Variants in RORB observed in about 807,000 individuals in gnomAD.
The protein encoded by RORB is RAR related orphan receptor B.
RORB carries 6 observed loss-of-function variants against 59.1 expected under a neutral mutation model. The ratio of observed to expected loss-of-function variants is 0.10; its 90% CI spans 0.06 to 0.20. The LOEUF (loss-of-function observed/expected upper bound fraction) is 0.20. RORB is among the 10% of genes least tolerant of loss of function. The pLI is 1.00. For synonymous variants in RORB, 215 were observed against 204.5 expected (o/e 1.05, Z -0.44); for missense variants, 320 against 560.5 (o/e 0.57, Z 4.33).
chr9:74,593,351 A>T (rs1357651528), intron 1 of RORB, among the ~76,000 whole-genome samples: 1 of 151,726 alleles, frequency 6.6e-6, no homozygotes, highest in African/African-American at 2.4e-5. Context: ...CTATAATCCC[A>T]GCTACTTGGG....
chr9:74,642,345 G>A (rs41287415), intron 3 of RORB, 69 bp from the exon 4 acceptor site: 21,832 of 1,475,304 alleles, frequency 0.015, 528 homozygotes, highest in Admixed American at 0.12. Context: ...CCCATGACCC[G>A]TTGTACCTGA....
At chr9:74,665,236 C>T (rs1018343294) in intron 6 of RORB, among the ~76,000 whole-genome samples, 1 of 152,044 alleles carries the variant, frequency 6.6e-6, no homozygotes, top group Non-Finnish European at 1.5e-5. Flanking sequence ...TAAATTGGTG[C>T]AAATATATTA....
intron 7 of RORB, among the ~76,000 whole-genome samples, chr9:74,667,193 G>A (rs1052252598): frequency 2.0e-5 from 3 of 152,198 alleles, no homozygotes; most frequent in Non-Finnish European, 4.4e-5. Flanking sequence ...CAACAGCTAA[G>A]CAACTGACCT....
At chr9:74,505,722 G>C (rs927191811) in intron 1 of RORB, among the ~76,000 whole-genome samples, 1 of 152,046 alleles carries the variant, frequency 6.6e-6, no homozygotes, top group East Asian at 1.9e-4. Flanking sequence ...TTAAATTACT[G>C]TTAGTTGTAC....
intron 1 of RORB, among the ~76,000 whole-genome samples, chr9:74,585,895 C>T (rs987685495): frequency 6.6e-6 from 1 of 151,826 alleles, no homozygotes; most frequent in African/African-American, 2.4e-5. Flanking sequence ...CCCGGGTTCA[C>T]GCCATTCTCC....
intron 2 of RORB, among the ~76,000 whole-genome samples, chr9:74,633,232 T>C (rs941530140): frequency 2.6e-5 from 4 of 152,198 alleles, no homozygotes; most frequent in African/African-American, 9.6e-5. Context: ...TATTTTCTAA[T>C]TACAAAAATT....
At chr9:74,667,736 C>G (rs1371727720) in intron 7 of RORB, 55 bp from the exon 8 acceptor site, 2 of 1,062,742 alleles carry the variant, frequency 1.9e-6, no homozygotes, top group Non-Finnish European at 2.9e-6. Flanking sequence ...TTTTCTTACT[C>G]TTGCCCCATT....
At chr9:74,649,486 T>C (rs1328812893) in intron 4 of RORB, among the ~76,000 whole-genome samples, 1 of 152,218 alleles carries the variant, frequency 6.6e-6, no homozygotes, top group Non-Finnish European at 1.5e-5. Flanking sequence ...ATCTATAGTA[T>C]TAACCAGTCT....
At chr9:74,599,592 G>C (rs757787379) in intron 1 of RORB, among the ~76,000 whole-genome samples, 1 of 152,114 alleles carries the variant, frequency 6.6e-6, no homozygotes, top group African/African-American at 2.4e-5. Context: ...CTTTTAAAAG[G>C]CTTTGTGAAT....
rs955664507 is a variant in RORB, at chr9:74,685,331, C to G, written c.1225-132C>G. On this transcript the variant is annotated intron_variant, in intron 9 of 9. Coordinates refer to ENST00000376896, the MANE Select transcript of RORB (RefSeq NM_006914.4). ...TTGTAAGAGAAAAGCTGAAAGTGCGCCTTCTTTCTTTCTGAACATCTTTTT... is the reference window on the plus strand; with the variant it reads ...TTGTAAGAGAAAAGCTGAAAGTGCGGCTTCTTTCTTTCTGAACATCTTTTT... 8.4e-6 allele frequency: 6 copies of G among 716,780 alleles called. No homozygotes were observed. In the Admixed American group the frequency reaches 1.6e-4, roughly 20 times the overall value. 44.4% of individuals were successfully genotyped at this position (716,780 alleles called of 1,614,324 possible). A position where few individuals can be genotyped will look rare whatever the true frequency, so the allele number is the denominator to read the frequency against.
chr9:74,666,562 T>G (rs1308821523), intron 7 of RORB, among the ~76,000 whole-genome samples: 7 of 152,138 alleles, frequency 4.6e-5, no homozygotes, highest in Non-Finnish European at 1.0e-4. Context: ...TCAGCTTTTT[T>G]TTTTCAACTT....
At chr9:74,563,073 A>G (rs1157737857) in intron 1 of RORB, among the ~76,000 whole-genome samples, 1 of 151,968 alleles carries the variant, frequency 6.6e-6, no homozygotes, top group African/African-American at 2.4e-5. Context: ...AACAGACCTT[A>G]TTTATATTTC....
chr9:74,685,040 C>T (rs756817469), intron 9 of RORB, among the ~76,000 whole-genome samples: 33 of 152,132 alleles, frequency 2.2e-4, no homozygotes, highest in Non-Finnish European at 4.0e-4. Flanking sequence ...CACAACAACC[C>T]AATGAAGTAG....
At position 74,676,058 on chromosome 9, in the gene RORB, T is replaced by A. The variant is rs944371413; in HGVS notation, c.1224+4157T>A. Among the ~76,000 whole-genome samples, 6 of 152,316 alleles carry A rather than the reference T, an allele frequency of 3.9e-5. No homozygotes were observed. In the South Asian group the frequency reaches 8.3e-4, roughly 21 times the overall value. ...GAAGGCCGGTCCAGCTGGGGCCAAG[T>A]TGTGGCAGTGTGCTCACGGCCAAGA... On this transcript the variant is annotated intron_variant, in intron 9 of 9. Coordinates refer to ENST00000376896, the MANE Select transcript of RORB (RefSeq NM_006914.4).
At chr9:74,647,418 C>A (rs1823917562) in intron 4 of RORB, among the ~76,000 whole-genome samples, 2 of 152,132 alleles carry the variant, frequency 1.3e-5, no homozygotes, top group Admixed American at 1.3e-4. Flanking sequence ...AACAGCCAAA[C>A]AACATGCTTT....
intron 1 of RORB, among the ~76,000 whole-genome samples, chr9:74,599,059 C>T (rs138320391): frequency 1.3e-5 from 2 of 152,260 alleles, no homozygotes; most frequent in Admixed American, 6.5e-5. Context: ...CTGCATAACC[C>T]GAACACCTCC....
chr9:74,624,973 G>T (rs1823485710), intron 1 of RORB, among the ~76,000 whole-genome samples: 1 of 152,072 alleles, frequency 6.6e-6, no homozygotes, highest in African/African-American at 2.4e-5. Flanking sequence ...TGTAGTCTGT[G>T]TCTAGGAATA....
intron 1 of RORB, among the ~76,000 whole-genome samples, chr9:74,535,867 T>C (rs973885904): frequency 6.6e-6 from 1 of 152,062 alleles, no homozygotes; most frequent in African/African-American, 2.4e-5. Context: ...CAAATGTAAG[T>C]ACAAATGACT....
intron 1 of RORB, among the ~76,000 whole-genome samples, chr9:74,590,861 A>G (rs1217980076): frequency 2.0e-5 from 3 of 152,070 alleles, no homozygotes; most frequent in Admixed American, 6.6e-5. Flanking sequence ...CAGTGGTGCA[A>G]TCTTGGCTCA....
Sources: allele counts gnomAD v4.1 joint callset (sites outside exome capture counted in the v4.1 genomes callset), GRCh38; gene constraint gnomAD v4.1.1; transcripts MANE v1.5; gene names NCBI Gene and HGNC (gene_info 2026-07-23, HGNC 2026-07-21).